Variants in ZEB1 observed in about 807,000 individuals in gnomAD.
The protein encoded by ZEB1 is zinc finger E-box binding homeobox 1.
ZEB1 carries 21 observed loss-of-function variants against 84.9 expected under a neutral mutation model. The observed-to-expected ratio is 0.25, with a 90% CI of 0.18 to 0.36. ZEB1 has a LOEUF of 0.36. Among genes scored for constraint, ZEB1 ranks in the 10% least tolerant of loss-of-function variants. The pLI is 1.00. For synonymous variants in ZEB1, 420 were observed against 471.1 expected, an observed-to-expected ratio of 0.89 and a Z score of 1.41; for missense variants, 1,104 against 1,330.2, an observed-to-expected ratio of 0.83 and a Z score of 2.65.
chr10:31,507,353 T>C (rs1288566183), intron 4 of ZEB1, among the ~76,000 whole-genome samples: 1 of 152,118 alleles, frequency 6.6e-6, no homozygotes, highest in Non-Finnish European at 1.5e-5. Context: ...GCGCTGAGCT[T>C]TCTGTATCTG....
chr10:31,463,938 G>C (rs2062091936), intron 2 of ZEB1, among the ~76,000 whole-genome samples: 1 of 152,062 alleles, frequency 6.6e-6, no homozygotes, highest in Non-Finnish European at 1.5e-5. Flanking sequence ...ACCCATAAAG[G>C]CTAATTACTA....
chr10:31,380,848 T>C (rs555955508), intron 1 of ZEB1, among the ~76,000 whole-genome samples: 3 of 152,264 alleles, frequency 2.0e-5, no homozygotes, highest in East Asian at 3.9e-4. Flanking sequence ...AATAAAGATA[T>C]TTCTTATTTT....
At chr10:31,376,128 ATTCTTAC>A (rs2046579904) in intron 1 of ZEB1, among the ~76,000 whole-genome samples, 1 of 151,812 alleles carries the variant, frequency 6.6e-6, no homozygotes, top group Admixed American at 6.6e-5. Flanking sequence ...CATTCAGTAT[ATTCTTAC>A]CAACAACCTG....
rs2072462332 is a variant in ZEB1, at chr10:31,521,818, C to T, written c.2486C>T (p.Ala829Val). The T allele has an allele frequency of 5.6e-6, 9 of 1,613,606 alleles. No individual in the cohort carries two copies. The highest frequency in any genetic ancestry group is 7.6e-6 in the Non-Finnish European group (9 of 1,179,726). Residue 829 changes from alanine to valine, a missense_variant, in exon 7 of 9, where the codon GCG becomes GTG. This residue lies in a region of ZEB1 where 531 missense variants were observed against 575.2 expected (regional missense o/e 0.92). Transcript: ENST00000424869. ...CAGAACAGTGTTCCATGCTTAAGAG[C>T]GCTAGCTGCCAATAAGCAAACGATT... is the stretch of plus-strand genomic sequence containing the variant. ...ADQNSVPCLR[A>V]LAANKQTILI...
At chr10:31,364,949 C>A (rs1300037426) in intron 1 of ZEB1, among the ~76,000 whole-genome samples, 2 of 152,200 alleles carry the variant, frequency 1.3e-5, no homozygotes, top group Non-Finnish European at 2.9e-5. Context: ...GGGCTCCAGT[C>A]CTCTACAAAG....
chr10:31,523,997 C>T lies in ZEB1; in HGVS notation c.2669C>T (p.Ser890Phe). The change falls in exon 8 of 9, where the codon TCT (serine) becomes TTT (phenylalanine). Residue 890 changes from serine (S) to phenylalanine (F), a missense_variant. Coordinates refer to ENST00000424869, the MANE Select transcript of ZEB1 (RefSeq NM_001174096.2). ...GTAGAGGATCAGAATGACTCTGATT[C>T]TACACCGCCCAAAAAGAAAATGCGG... ...SNVEDQNDSD[S>F]TPPKKKMRKT... The T allele has an allele frequency of 6.2e-7, 1 of 1,613,910 alleles. No homozygotes were observed. The highest frequency in any genetic ancestry group is 1.1e-5 in the South Asian group (1 of 91,080).
intron 1 of ZEB1, among the ~76,000 whole-genome samples, chr10:31,401,811 A>T (rs1275028641): frequency 6.6e-6 from 1 of 152,150 alleles, no homozygotes; most frequent in Non-Finnish European, 1.5e-5. Flanking sequence ...TGCCTTTAGA[A>T]TACAGTTTGG....
At chr10:31,407,366 A>G (rs2053311607) in intron 1 of ZEB1, among the ~76,000 whole-genome samples, 1 of 150,662 alleles carries the variant, frequency 6.6e-6, no homozygotes, top group African/African-American at 2.4e-5. Flanking sequence ...TGTTATTGCG[A>G]TAGTTTACTG....
chr10:31,337,772 G>A lies in ZEB1; in HGVS notation c.58+18480G>A, dbSNP rs114106713. Among the ~76,000 whole-genome samples the A allele has an allele frequency of 6.9e-3, 967 of 140,088 alleles. 13 individuals are homozygous for A. Among genetic ancestry groups the A allele is most frequent in the African/African-American group, 0.025 (909 of 36,200 alleles). The allele number at this position is 140,088 out of a possible 152,430, so 91.9% of individuals were successfully genotyped here. A position where few individuals can be genotyped will look rare whatever the true frequency, so the allele number is the denominator to read the frequency against. On this transcript the variant is annotated intron_variant, in intron 1 of 8. Transcript: ENST00000424869. ...GCAATCTCGGCTCACTGCTGCCTCCGTCTCCCCGGTCAAGCGATTCTCCTG... is the reference window on the plus strand; with the variant it reads ...GCAATCTCGGCTCACTGCTGCCTCCATCTCCCCGGTCAAGCGATTCTCCTG...
chr10:31,438,931 C>T (rs1028744181), intron 1 of ZEB1, among the ~76,000 whole-genome samples: 1 of 152,172 alleles, frequency 6.6e-6, no homozygotes, highest in East Asian at 1.9e-4. Flanking sequence ...TTTGCCCAAT[C>T]CCAGTTCAGT....
intron 1 of ZEB1, among the ~76,000 whole-genome samples, chr10:31,343,189 T>C (rs993892329): frequency 6.6e-6 from 1 of 152,178 alleles, no homozygotes; most frequent in Non-Finnish European, 1.5e-5. Flanking sequence ...TTCTATGTTA[T>C]ATTGTGGCAC....
At chr10:31,327,564 C>T (rs565183451) in intron 1 of ZEB1, among the ~76,000 whole-genome samples, 2 of 152,148 alleles carry the variant, frequency 1.3e-5, no homozygotes, top group Non-Finnish European at 1.5e-5. Flanking sequence ...CAGATTGACT[C>T]CAATTCTTAG....
chr10:31,484,656 T>C (rs796078811), intron 2 of ZEB1, among the ~76,000 whole-genome samples: 4 of 152,104 alleles, frequency 2.6e-5, no homozygotes, highest in African/African-American at 9.6e-5. Context: ...TCAAAATGTT[T>C]AGCAAGCCTA....
chr10:31,385,333 A>G (rs2048429313), intron 1 of ZEB1, among the ~76,000 whole-genome samples: 1 of 152,114 alleles, frequency 6.6e-6, no homozygotes, highest in South Asian at 2.1e-4. Context: ...TTGAGTTTTA[A>G]TTCTACATTT....
chr10:31,319,971 G>A (rs1294135237), intron 1 of ZEB1: 1 of 149,882 alleles, frequency 6.7e-6, no homozygotes, highest in African/African-American at 2.4e-5. Flanking sequence ...CCGGCTGTGC[G>A]CGCCGCGGGC....
At chr10:31,363,875 G>T in intron 1 of ZEB1, 1 of 1,307,714 alleles carries the variant, frequency 7.6e-7, no homozygotes, top group South Asian at 1.5e-5. Context: ...TGTCGCTGAC[G>T]GTTGAAGAGG....
intron 2 of ZEB1, among the ~76,000 whole-genome samples, chr10:31,476,771 G>A (rs900265738): frequency 6.6e-6 from 1 of 152,016 alleles, no homozygotes; most frequent in Non-Finnish European, 1.5e-5. Context: ...GTCAGTAAAT[G>A]TGATTCACCA....
At chr10:31,502,888 A>G (rs2068362166) in intron 4 of ZEB1, among the ~76,000 whole-genome samples, 1 of 152,086 alleles carries the variant, frequency 6.6e-6, no homozygotes, top group Admixed American at 6.6e-5. Context: ...ACCAGAACAT[A>G]CTAATTTGGA....
chr10:31,323,416 G>A (rs1472546250), intron 1 of ZEB1, among the ~76,000 whole-genome samples: 1 of 152,010 alleles, frequency 6.6e-6, no homozygotes, highest in African/African-American at 2.4e-5. Flanking sequence ...CTATGGATGG[G>A]TTGGCAGAGA....
Sources: allele counts gnomAD v4.1 joint callset (sites outside exome capture counted in the v4.1 genomes callset), GRCh38; gene constraint gnomAD v4.1.1; regional missense constraint gnomAD v4.1.1; transcripts MANE v1.5; gene names NCBI Gene and HGNC (gene_info 2026-07-23, HGNC 2026-07-21).